Variants in GPHN observed in about 807,000 individuals in gnomAD.
GPHN encodes the protein gephyrin.
A neutral mutation model predicts 95.5 loss-of-function variants in GPHN; 17 were observed. The observed-to-expected ratio is 0.18, with a 90% CI of 0.12 to 0.27. The LOEUF is 0.27. Ranked by LOEUF, GPHN falls within the 10% of genes least tolerant of loss-of-function variation. The pLI, the probability that GPHN is intolerant of heterozygous loss-of-function variation, is 1.00. For missense variants in GPHN, 660 were observed against 978.1 expected (o/e 0.67, Z 4.34); for synonymous variants, 320 against 322.5 (o/e 0.99, Z 0.08).
At chr14:67,292,383 T>C in the GPHN span, 1 of 615,864 alleles carries the variant, frequency 1.6e-6, no homozygotes. Context: ...TTGACAATAA[T>C]ATATGCAGAT....
chr14:66,834,460 T>C (rs55923709), intron 4 of GPHN, among the ~76,000 whole-genome samples: 1 of 152,030 alleles, frequency 6.6e-6, no homozygotes, highest in African/African-American at 2.4e-5. Flanking sequence ...GAGTTTTTAA[T>C]ATGAAAGTTG....
intron 2 of GPHN, among the ~76,000 whole-genome samples, chr14:66,695,966 A>G (rs922172574): frequency 6.6e-6 from 1 of 152,220 alleles, no homozygotes; most frequent in Non-Finnish European, 1.5e-5. Flanking sequence ...ACCATAGAAT[A>G]TACAACACTG....
At chr14:67,658,101 C>G in the GPHN span, among the ~76,000 whole-genome samples, 3 of 152,000 alleles carry the variant, frequency 2.0e-5, no homozygotes, top group South Asian at 6.2e-4. Flanking sequence ...GACGAGGAAA[C>G]CACTGAATGA....
chr14:67,273,327 G>C, the GPHN span, among the ~76,000 whole-genome samples: 1 of 146,728 alleles, frequency 6.8e-6, no homozygotes, highest in African/African-American at 2.5e-5. Flanking sequence ...CTGTGTCCAA[G>C]TGTTCTCATT....
the GPHN span, among the ~76,000 whole-genome samples, chr14:67,331,071 G>T: frequency 2.0e-5 from 3 of 151,496 alleles, no homozygotes; most frequent in Non-Finnish European, 2.9e-5. Flanking sequence ...TTGAGACAGA[G>T]TCTCACTCTG....
chr14:66,517,003 G>T (rs1210966694), intron 1 of GPHN, among the ~76,000 whole-genome samples: 3 of 151,704 alleles, frequency 2.0e-5, no homozygotes, highest in African/African-American at 7.3e-5. Flanking sequence ...GGTGGTGTGT[G>T]CCTGTAATCC....
chr14:67,198,184 C>G, the GPHN span: 1 of 1,613,322 alleles, frequency 6.2e-7, no homozygotes, highest in African/African-American at 1.3e-5. Context: ...ACCAGCAAGA[C>G]TACCATGAGG....
At chr14:66,872,764 G>A (rs1170571114) in intron 4 of GPHN, among the ~76,000 whole-genome samples, 3 of 152,058 alleles carry the variant, frequency 2.0e-5, no homozygotes, top group East Asian at 3.9e-4. Flanking sequence ...GCATGGTGGT[G>A]CGCACCTGTA....
Position 67,179,685 on chromosome 14 carries a change from C to T in GPHN, c.2176+11C>T. 7.4e-7 allele frequency: 1 copy of T among 1,352,176 alleles called. No homozygotes were observed. Among genetic ancestry groups the T allele is most frequent in the Non-Finnish European group, 1.1e-6 (1 of 940,484 alleles). 83.8% of individuals were successfully genotyped at this position (1,352,176 alleles called of 1,614,324 possible). On this transcript the variant is annotated intron_variant, in intron 22 of 22. Transcript: ENST00000478722. The stretch of plus-strand genomic sequence containing the variant: ...GGGCACAGAGTACAGGTTAGTCATT[C>T]ACATCTACAGATATTCCTAGACACC...
chr14:67,349,792 C>T, the GPHN span, among the ~76,000 whole-genome samples: 2 of 152,202 alleles, frequency 1.3e-5, no homozygotes, highest in Non-Finnish European at 2.9e-5. Context: ...TGATTGATCT[C>T]CACCCTCTGC....
chr14:67,564,191 C>T, the GPHN span, among the ~76,000 whole-genome samples: 1 of 152,116 alleles, frequency 6.6e-6, no homozygotes, highest in Non-Finnish European at 1.5e-5. Flanking sequence ...TTAGTAGAGT[C>T]GGGGTTTCAC....
intron 8 of GPHN, among the ~76,000 whole-genome samples, chr14:66,964,677 A>G (rs1005049842): frequency 1.3e-5 from 2 of 152,150 alleles, no homozygotes; most frequent in Non-Finnish European, 2.9e-5. Flanking sequence ...TCTGGTAGAG[A>G]GGGAGCTAGG....
At chr14:66,659,456 C>T (rs28768496) in intron 1 of GPHN, among the ~76,000 whole-genome samples, 51,938 of 151,908 alleles carry the variant, frequency 0.34, 13,396 homozygotes, top group African/African-American at 0.7. Flanking sequence ...GTGGTTGATA[C>T]TGTTGAGTTC....
At chr14:67,689,230 A>G in the GPHN span, among the ~76,000 whole-genome samples, 3 of 152,186 alleles carry the variant, frequency 2.0e-5, no homozygotes, top group Admixed American at 6.5e-5. Context: ...TTTCCTTCCC[A>G]TCTCACAGAT....
intron 2 of GPHN, among the ~76,000 whole-genome samples, chr14:66,748,821 T>C (rs1012466040): frequency 2.0e-5 from 3 of 152,024 alleles, no homozygotes; most frequent in African/African-American, 7.2e-5. Flanking sequence ...AAAGTTTGCC[T>C]AAAACGAACT....
the GPHN span, chr14:67,648,331 C>G: frequency 2.1e-5 from 18 of 852,676 alleles, no homozygotes; most frequent in Admixed American, 6.3e-5. Context: ...TATGGCCATG[C>G]TAATAAAAAG....
the GPHN span, among the ~76,000 whole-genome samples, chr14:67,721,849 G>A: frequency 6.6e-6 from 1 of 151,908 alleles, no homozygotes; most frequent in East Asian, 1.9e-4. Context: ...TAACAGAGAG[G>A]TTTAGTAACT....
chr14:66,955,572 T>C (rs2153581417), intron 8 of GPHN, among the ~76,000 whole-genome samples: 1 of 152,312 alleles, frequency 6.6e-6, no homozygotes, highest in Non-Finnish European at 1.5e-5. Context: ...TTATTATACT[T>C]TAAGTTCTAG....
intron 1 of GPHN, among the ~76,000 whole-genome samples, chr14:66,665,687 T>C (rs2065910323): frequency 2.0e-5 from 3 of 152,208 alleles, no homozygotes; most frequent in Non-Finnish European, 2.9e-5. Flanking sequence ...TGGAAGACAG[T>C]GTGGCGATTC....
Sources: gnomAD v4.1 joint callset for allele counts (sites outside exome capture counted in the v4.1 genomes callset) on GRCh38, gnomAD v4.1.1 for gene constraint, MANE v1.5 for transcripts, NCBI Gene and HGNC (gene_info 2026-07-23, HGNC 2026-07-21) for gene names.